The following ADD3 variants were observed in gnomAD, a reference collection of about 807,000 sequenced individuals.
ADD3 encodes gamma-adducin.
Under a neutral mutation model 80.2 loss-of-function variants are expected in ADD3, and 25 were observed. That is an observed-to-expected ratio of 0.31 (90% confidence interval 0.23 to 0.44). The LOEUF (loss-of-function observed/expected upper bound fraction) is 0.44. Ranked by LOEUF, ADD3 falls within the 20% of genes least tolerant of loss-of-function variation. ADD3 has a pLI of 1.00. For missense variants in ADD3, 829 were observed against 847.5 expected (o/e 0.98, Z 0.27); for synonymous variants, 284 against 289.6 (o/e 0.98, Z 0.20).
At chr10:110,056,426 A>G (rs1858200698) in intron 1 of ADD3, among the ~76,000 whole-genome samples, 1 of 152,238 alleles carries the variant, frequency 6.6e-6, no homozygotes, top group African/African-American at 2.4e-5. Context: ...AGACTAAGAC[A>G]ATTAGTATCA....
chr10:110,132,719 A>G (rs1590274252), intron 14 of ADD3: 1 of 238,956 alleles, frequency 4.2e-6, no homozygotes, highest in Non-Finnish European at 8.3e-6. Context: ...CGAGGTCAGG[A>G]GATCAAGACC....
intron 1 of ADD3, among the ~76,000 whole-genome samples, chr10:110,020,408 T>C (rs1031624802): frequency 6.6e-6 from 1 of 152,084 alleles, no homozygotes; most frequent in African/African-American, 2.4e-5. Flanking sequence ...CAGACCTAAA[T>C]AGAGCAGCCA....
At chr10:110,073,535 C>T (rs1162307264) in intron 1 of ADD3, among the ~76,000 whole-genome samples, 1 of 152,202 alleles carries the variant, frequency 6.6e-6, no homozygotes, top group Non-Finnish European at 1.5e-5. Flanking sequence ...GTGCACGGCA[C>T]AGCAGTCTAA....
intron 2 of ADD3, among the ~76,000 whole-genome samples, chr10:110,109,620 C>G (rs1008498671): frequency 1.3e-5 from 2 of 152,094 alleles, no homozygotes; most frequent in Non-Finnish European, 2.9e-5. Flanking sequence ...CAAAGAATAT[C>G]AGTTATAACT....
intron 1 of ADD3, among the ~76,000 whole-genome samples, chr10:110,065,539 C>CCTTTTTTTTTTTTTTTTTT (rs1843806502): frequency 2.6e-4 from 8 of 31,184 alleles, no homozygotes; most frequent in African/African-American, 4.0e-4. Flanking sequence ...TCTCTCTCCC[C>CCTTTTTTTTTTTTTTTTTT]TTTTTTTTTT....
chr10:110,039,850 T>C (rs1167648897), intron 1 of ADD3, among the ~76,000 whole-genome samples: 1 of 152,324 alleles, frequency 6.6e-6, no homozygotes, highest in East Asian at 1.9e-4. Flanking sequence ...CCTCATGAGC[T>C]TATGGTGGAG....
chr10:110,041,930 AT>A (rs1292131915), intron 1 of ADD3, among the ~76,000 whole-genome samples: 1 of 152,212 alleles, frequency 6.6e-6, no homozygotes, highest in African/African-American at 2.4e-5. Flanking sequence ...CCCCCAAAAA[AT>A]ATGTGGATAA....
chr10:110,047,647 T>C (rs1857045750), intron 1 of ADD3, among the ~76,000 whole-genome samples: 1 of 152,218 alleles, frequency 6.6e-6, no homozygotes, highest in Non-Finnish European at 1.5e-5. Flanking sequence ...AAACTTGTCA[T>C]GCTACTTATC....
chr10:110,073,967 T>C (rs1845087442), intron 1 of ADD3, among the ~76,000 whole-genome samples: 2 of 152,078 alleles, frequency 1.3e-5, no homozygotes, highest in Admixed American at 6.6e-5. Context: ...GAGGTTACTT[T>C]CCATAGACAT....
At chr10:110,099,378 C>T (rs1020841937) in intron 1 of ADD3, among the ~76,000 whole-genome samples, 7 of 152,168 alleles carry the variant, frequency 4.6e-5, no homozygotes. Flanking sequence ...TATTCATTCT[C>T]AATTAACATT....
chr10:110,055,796 A>G (rs1858114764), intron 1 of ADD3, among the ~76,000 whole-genome samples: 1 of 152,236 alleles, frequency 6.6e-6, no homozygotes, highest in Non-Finnish European at 1.5e-5. Context: ...AATGAAATGA[A>G]GGATGTAAAA....
Position 110,119,584 on chromosome 10 carries a change from T to C in ADD3, c.960+20T>C, listed in dbSNP as rs777096336. On this transcript the variant is annotated intron_variant, in intron 8 of 14. Transcript: ENST00000356080. The stretch of plus-strand genomic sequence containing the variant: ...ATTCAGGTAGGAAACATTATTCCCC[T>C]TTTTTAATTGCTTTGTTATTTGCTC... The C allele has an allele frequency of 3.2e-6, 5 of 1,580,068 alleles. No homozygotes were observed. The highest frequency in any genetic ancestry group is 4.3e-6 in the Non-Finnish European group (5 of 1,152,248).
intron 10 of ADD3, 139 bp from the exon 11 acceptor site, chr10:110,125,687 A>T: frequency 2.0e-6 from 1 of 490,206 alleles, no homozygotes; most frequent in Non-Finnish European, 3.4e-6. Context: ...AGATGAAACT[A>T]ATTCACCACT....
At chr10:110,063,095 AT>A (rs974309443) in intron 1 of ADD3, among the ~76,000 whole-genome samples, 2 of 151,914 alleles carry the variant, frequency 1.3e-5, no homozygotes, top group African/African-American at 2.4e-5. Flanking sequence ...CAATGTCTTC[AT>A]TTTTTTTAAC....
intron 12 of ADD3, among the ~76,000 whole-genome samples, chr10:110,128,407 A>G (rs1346202046): frequency 6.6e-6 from 1 of 150,730 alleles, no homozygotes; most frequent in Non-Finnish European, 1.5e-5. Flanking sequence ...AACTTTTTTA[A>G]TTTATTTTAT....
chr10:110,003,965 G>A (rs1429664564), upstream of ADD3, among the ~76,000 whole-genome samples: 5 of 152,062 alleles, frequency 3.3e-5, no homozygotes, highest in African/African-American at 4.8e-5. Context: ...TCATTAAATC[G>A]TGTATTCATT....
Position 110,118,844 on chromosome 10 carries a change from C to T in ADD3, c.717+108C>T, listed in dbSNP as rs899427709. 3.5e-6 allele frequency: 4 copies of T among 1,139,614 alleles called. No homozygotes were observed. The South Asian group carries it at 4.7e-5, about 13-fold the overall frequency. 70.6% of individuals were successfully genotyped at this position (1,139,614 alleles called of 1,614,324 possible). On this transcript the variant is annotated intron_variant, in intron 6 of 14. Coordinates refer to ENST00000356080, the MANE Select transcript of ADD3 (RefSeq NM_016824.5). ...CTGCTTTTCAAAATCATATTTGATA[C>T]AATAATCTGCATACCCAGAAAGCAA...
chr10:110,013,247 C>T (rs1486398725), intron 1 of ADD3, among the ~76,000 whole-genome samples: 3 of 152,064 alleles, frequency 2.0e-5, no homozygotes, highest in Non-Finnish European at 4.4e-5. Flanking sequence ...GGATTACAGG[C>T]GCCTGCCACC....
chr10:110,106,100 CAT>C (rs569106511), intron 2 of ADD3: 1 of 151,070 alleles, frequency 6.6e-6, no homozygotes, highest in East Asian at 1.9e-4. Flanking sequence ...GCTCTAATAA[CAT>C]AATTATAGGG....
Sources: allele counts gnomAD v4.1 joint callset (sites outside exome capture counted in the v4.1 genomes callset), GRCh38; gene constraint gnomAD v4.1.1; transcripts MANE v1.5; gene names NCBI Gene and HGNC (gene_info 2026-07-23, HGNC 2026-07-21).